Variants in MAPKAPK3 observed in about 807,000 individuals in gnomAD.
MAPKAPK3 encodes MAP kinase-activated protein kinase 3.
Under a neutral mutation model 49.2 loss-of-function variants are expected in MAPKAPK3, and 35 were observed. That is an observed-to-expected ratio of 0.71 (90% confidence interval 0.54 to 0.94). The LOEUF (loss-of-function observed/expected upper bound fraction) is 0.94. Among genes scored for constraint, MAPKAPK3 ranks in the 40% least tolerant of loss-of-function variants. MAPKAPK3 has a pLI of 0.00. For synonymous variants in MAPKAPK3, 178 were observed against 188.7 expected, an observed-to-expected ratio of 0.94 and a Z score of 0.46; for missense variants, 398 against 493.1, an observed-to-expected ratio of 0.81 and a Z score of 1.83.
intron 2 of MAPKAPK3, among the ~76,000 whole-genome samples, chr3:50,630,331 A>G (rs2032872216): frequency 6.6e-6 from 1 of 152,236 alleles, no homozygotes; most frequent in South Asian, 2.1e-4. Context: ...GCCCCCAGAC[A>G]GGGCCAGTAC....
At chr3:50,643,571 C>T (rs1272681773) in intron 5 of MAPKAPK3, among the ~76,000 whole-genome samples, 1 of 152,146 alleles carries the variant, frequency 6.6e-6, no homozygotes, top group East Asian at 1.9e-4. Flanking sequence ...CTGAGCACCC[C>T]AACCTGTAAA....
At chr3:50,643,269 C>T (rs973590276) in intron 5 of MAPKAPK3, among the ~76,000 whole-genome samples, 1 of 152,172 alleles carries the variant, frequency 6.6e-6, no homozygotes, top group Non-Finnish European at 1.5e-5. Flanking sequence ...AGAGGTAGTG[C>T]CAGTTGTTGG....
chr3:50,634,165 C>T (rs2032976853), intron 2 of MAPKAPK3, among the ~76,000 whole-genome samples: 1 of 152,198 alleles, frequency 6.6e-6, no homozygotes, highest in African/African-American at 2.4e-5. Flanking sequence ...TGGTCACTCG[C>T]TAAAGGAAAC....
chr3:50,623,731 G>C (rs1433854799), intron 2 of MAPKAPK3, among the ~76,000 whole-genome samples: 4 of 152,350 alleles, frequency 2.6e-5, no homozygotes, highest in Middle Eastern at 6.8e-3. Context: ...GGGCTGAGCT[G>C]TGAGCCTAGG....
Position 50,640,356 on chromosome 3 carries a change from C to A in MAPKAPK3, c.220-10C>A. 1 of 1,610,534 alleles carries A rather than the reference C, an allele frequency of 6.2e-7. No homozygotes were observed. Among genetic ancestry groups the A allele is most frequent in the Non-Finnish European group, 8.5e-7 (1 of 1,177,908 alleles). On this transcript the variant is annotated splice_polypyrimidine_tract_variant and intron_variant, in intron 2 of 10. Coordinates refer to ENST00000621469, the MANE Select transcript of MAPKAPK3 (RefSeq NM_001243925.2). ...TGAGCCTGACACTTTCTATGTGCACCCACCTACAGCTCCTGTATGACAGCC... is the reference window on the plus strand; with the variant it reads ...TGAGCCTGACACTTTCTATGTGCACACACCTACAGCTCCTGTATGACAGCC...
At position 50,647,905 on chromosome 3, in the gene MAPKAPK3, C is replaced by G. The variant is rs757531550; in HGVS notation, c.1008C>G (p.Thr336=). The G allele has an allele frequency of 6.2e-7, 1 of 1,613,128 alleles. No individual in the cohort carries two copies. Among genetic ancestry groups the G allele is most frequent in the Non-Finnish European group, 8.5e-7 (1 of 1,179,596 alleles). ...CTGTCTGTCCCCAGGAGGAGATGACCAGTGCCTTGGCCACTATGCGGGTAG... is the reference window on the plus strand; with the variant it reads ...CTGTCTGTCCCCAGGAGGAGATGACGAGTGCCTTGGCCACTATGCGGGTAG... ...DHWDEVKEEM[T]SALATMRVDY... The change falls in exon 11 of 11, where the codon ACC becomes ACG. Residue 336 remains threonine, a synonymous_variant. Transcript: ENST00000621469.
At chr3:50,614,800 C>G (rs920776516), upstream of MAPKAPK3, among the ~76,000 whole-genome samples, 1 of 152,038 alleles carries the variant, frequency 6.6e-6, no homozygotes, top group Admixed American at 6.5e-5. Context: ...TCCGATGGAC[C>G]CATGTGGGGA....
intron 2 of MAPKAPK3, among the ~76,000 whole-genome samples, chr3:50,633,617 C>T (rs1043529346): frequency 6.6e-6 from 1 of 152,182 alleles, no homozygotes; most frequent in Non-Finnish European, 1.5e-5. Context: ...TCTGGGTGCT[C>T]TCTCAAAAGT....
intron 2 of MAPKAPK3, among the ~76,000 whole-genome samples, chr3:50,619,094 T>A (rs954180020): frequency 3.4e-4 from 52 of 152,248 alleles, no homozygotes; most frequent in African/African-American, 1.2e-3. Flanking sequence ...TCCTAGACTC[T>A]GGAAGCCAGG....
chr3:50,616,965 G>C (rs1174019628), upstream of MAPKAPK3, among the ~76,000 whole-genome samples: 1 of 151,936 alleles, frequency 6.6e-6, no homozygotes, highest in African/African-American at 2.4e-5. Context: ...CGCCCCCTCG[G>C]GAAGCCACGC....
At chr3:50,627,346 C>A (rs1214582824) in intron 2 of MAPKAPK3, among the ~76,000 whole-genome samples, 1 of 151,944 alleles carries the variant, frequency 6.6e-6, no homozygotes, top group East Asian at 1.9e-4. Context: ...GCTGATCTTG[C>A]AAGTAGACAG....
chr3:50,620,413 G>A (rs1273909302), intron 2 of MAPKAPK3, among the ~76,000 whole-genome samples: 3 of 152,148 alleles, frequency 2.0e-5, no homozygotes, highest in African/African-American at 7.2e-5. Context: ...GGTTAACCAG[G>A]GTGGCCTGTC....
At chr3:50,627,446 T>C (rs1205172451) in intron 2 of MAPKAPK3, among the ~76,000 whole-genome samples, 4 of 152,136 alleles carry the variant, frequency 2.6e-5, no homozygotes, top group Non-Finnish European at 5.9e-5. Flanking sequence ...TTGGCTATGG[T>C]GATGCCACCA....
At chr3:50,615,416 A>C (rs1467708637), upstream of MAPKAPK3, among the ~76,000 whole-genome samples, 1 of 152,346 alleles carries the variant, frequency 6.6e-6, no homozygotes, top group Admixed American at 6.5e-5. Flanking sequence ...TAAAGGTGTG[A>C]CTGCATGTGT....
rs539709580 is a variant in MAPKAPK3 at position 50,640,425 on chromosome 3, C to A, written c.279C>A (p.Gly93=). The stretch of plus-strand genomic sequence containing the variant: ...TAGACCATCACTGGCAGGCTTCTGG[C>A]GGCCCCCATATTGTCTGCATCCTGG... ...QEVDHHWQAS[G]GPHIVCILDV... Residue 93 remains glycine (G), a synonymous_variant, in exon 3 of 11, where the codon GGC becomes GGA. Coordinates refer to ENST00000621469, the MANE Select transcript of MAPKAPK3 (RefSeq NM_001243925.2). 6.2e-7 allele frequency: 1 copy of A among 1,614,114 alleles called. No individual in the cohort carries two copies. Among genetic ancestry groups the A allele is most frequent in the South Asian group, 1.1e-5 (1 of 91,084 alleles).
chr3:50,624,698 T>C (rs899655844), intron 2 of MAPKAPK3, among the ~76,000 whole-genome samples: 4 of 152,120 alleles, frequency 2.6e-5, no homozygotes, highest in Admixed American at 2.0e-4. Context: ...TCATGGAAGA[T>C]CTCTGGGTGG....
intron 2 of MAPKAPK3, among the ~76,000 whole-genome samples, chr3:50,625,401 C>G (rs1032457884): frequency 6.6e-6 from 1 of 152,258 alleles, no homozygotes; most frequent in South Asian, 2.1e-4. Flanking sequence ...GGCTCCTCCC[C>G]ACCCTCCTGC....
chr3:50,614,500 AGTGTGTGTGTGTGT>A (rs3066739), upstream of MAPKAPK3, among the ~76,000 whole-genome samples: 11 of 138,946 alleles, frequency 7.9e-5, no homozygotes, highest in South Asian at 2.4e-4. Flanking sequence ...GTAAGGACAG[AGTGTGTGTGTGTGT>A]GTGTGTGTGT....
intron 2 of MAPKAPK3, among the ~76,000 whole-genome samples, chr3:50,631,231 T>C (rs1356728083): frequency 1.3e-5 from 2 of 152,216 alleles, no homozygotes; most frequent in South Asian, 2.1e-4. Flanking sequence ...TAATGGCACA[T>C]GTCTGCAGCT....
Sources: gnomAD v4.1 joint callset for allele counts (sites outside exome capture counted in the v4.1 genomes callset) on GRCh38, gnomAD v4.1.1 for gene constraint, MANE v1.5 for transcripts, NCBI Gene and HGNC (gene_info 2026-07-23, HGNC 2026-07-21) for gene names.